The following CREB5 variants were observed in gnomAD, a reference collection of about 807,000 sequenced individuals.
CREB5 encodes cAMP responsive element binding protein 5.
CREB5 carries 19 observed loss-of-function variants against 57.1 expected under a neutral mutation model. The ratio of observed to expected loss-of-function variants is 0.33; its 90% CI spans 0.23 to 0.49. The LOEUF (loss-of-function observed/expected upper bound fraction) is 0.49. Ranked by LOEUF, CREB5 falls within the 20% of genes least tolerant of loss-of-function variation. The pLI is 0.99. For missense variants in CREB5, 579 were observed against 671.6 expected, an observed-to-expected ratio of 0.86 and a Z score of 1.52; for synonymous variants, 238 against 238.3, an observed-to-expected ratio of 1.00 and a Z score of 0.01.
At chr7:28,784,114 A>T (rs1445837904) in intron 7 of CREB5, among the ~76,000 whole-genome samples, 1 of 152,154 alleles carries the variant, frequency 6.6e-6, no homozygotes, top group Non-Finnish European at 1.5e-5. Flanking sequence ...GCATCTTTCT[A>T]CTCTAGTATT....
intron 4 of CREB5, among the ~76,000 whole-genome samples, chr7:28,537,716 T>C (rs1794021161): frequency 6.6e-6 from 1 of 152,160 alleles, no homozygotes; most frequent in Non-Finnish European, 1.5e-5. Flanking sequence ...AAGTAAAAAA[T>C]AAGAACAGGA....
At chr7:28,691,107 CT>C (rs1208437419) in intron 5 of CREB5, among the ~76,000 whole-genome samples, 1 of 152,142 alleles carries the variant, frequency 6.6e-6, no homozygotes, top group Non-Finnish European at 1.5e-5. Flanking sequence ...GAACTGAATT[CT>C]ATTCCTAGCT....
In CREB5 at chr7:28,663,712, T is replaced by C. The variant is rs1284115549; in HGVS notation, c.465-55041T>C. 2.0e-5 allele frequency among the ~76,000 whole-genome samples: 3 copies of C among 152,258 alleles called. 1 individual carries two copies. The East Asian group carries it at 5.8e-4, about 29-fold the overall frequency. ...CTAGTATTTATTTTTCTTCTGGAAA[T>C]TTAATGTTTGTGATCTGTAATAGAT... On this transcript the variant is annotated intron_variant, in intron 5 of 10. Transcript: ENST00000357727.
At chr7:28,467,484 T>G (rs1790639954) in intron 1 of CREB5, among the ~76,000 whole-genome samples, 1 of 152,206 alleles carries the variant, frequency 6.6e-6, no homozygotes, top group Admixed American at 6.5e-5. Flanking sequence ...CTGTTTGCTG[T>G]GCATTCTAGG....
At chr7:28,480,773 T>A (rs1791289989) in intron 1 of CREB5, among the ~76,000 whole-genome samples, 1 of 152,226 alleles carries the variant, frequency 6.6e-6, no homozygotes. Context: ...GACAAGGACC[T>A]AAATGCGGTT....
intron 1 of CREB5, among the ~76,000 whole-genome samples, chr7:28,468,497 C>G (rs868504055): frequency 9.9e-5 from 15 of 152,192 alleles, no homozygotes; most frequent in Non-Finnish European, 1.6e-4. Flanking sequence ...GAGACAGAGA[C>G]AGATCTGCTC....
chr7:28,471,041 C>T (rs1790783771), intron 1 of CREB5, among the ~76,000 whole-genome samples: 1 of 152,088 alleles, frequency 6.6e-6, no homozygotes, highest in Admixed American at 6.6e-5. Context: ...TTTCACTTTG[C>T]TGATTGTTTC....
intron 5 of CREB5, among the ~76,000 whole-genome samples, chr7:28,658,079 T>A (rs1799407365): frequency 6.6e-6 from 1 of 152,188 alleles, no homozygotes; most frequent in Non-Finnish European, 1.5e-5. Flanking sequence ...TTCCACACCT[T>A]TGTCCTCCTT....
intron 7 of CREB5, among the ~76,000 whole-genome samples, chr7:28,747,105 G>A (rs1478790416): frequency 2.0e-5 from 3 of 150,044 alleles, no homozygotes; most frequent in Non-Finnish European, 4.4e-5. Flanking sequence ...TTTTCCTGAG[G>A]CTGTTGTGGA....
intron 1 of CREB5, among the ~76,000 whole-genome samples, chr7:28,319,538 C>T (rs1418176048): frequency 6.6e-6 from 1 of 151,508 alleles, no homozygotes; most frequent in Admixed American, 6.6e-5. Flanking sequence ...TGTGAAAATG[C>T]TATTTCTAGC....
chr7:28,667,929 A>G (rs1368157625), intron 5 of CREB5, among the ~76,000 whole-genome samples: 1 of 152,212 alleles, frequency 6.6e-6, no homozygotes, highest in Non-Finnish European at 1.5e-5. Flanking sequence ...AAAAAGGAGA[A>G]TATTTACATT....
chr7:28,338,586 T>C (rs1785872842), intron 1 of CREB5, among the ~76,000 whole-genome samples: 1 of 152,172 alleles, frequency 6.6e-6, no homozygotes, highest in Non-Finnish European at 1.5e-5. Flanking sequence ...GATTATTAAA[T>C]GCCTTGAGGT....
chr7:28,803,824 T>G (rs1808526507), intron 7 of CREB5, among the ~76,000 whole-genome samples: 1 of 151,490 alleles, frequency 6.6e-6, no homozygotes, highest in Non-Finnish European at 1.5e-5. Flanking sequence ...TTCAGTGCTA[T>G]CACCATATTG....
intron 3 of CREB5, among the ~76,000 whole-genome samples, chr7:28,495,324 G>A (rs780740156): frequency 6.6e-6 from 1 of 152,048 alleles, no homozygotes; most frequent in Non-Finnish European, 1.5e-5. Context: ...GATCACTTGA[G>A]GTCAGGAGTT....
At chr7:28,541,906 G>A (rs570077360) in intron 4 of CREB5, among the ~76,000 whole-genome samples, 14 of 152,260 alleles carry the variant, frequency 9.2e-5, no homozygotes, top group Admixed American at 2.0e-4. Context: ...AAAGGTTAGG[G>A]CTATCCTGAC....
At chr7:28,382,797 C>G (rs1206118016) in intron 1 of CREB5, among the ~76,000 whole-genome samples, 1 of 151,874 alleles carries the variant, frequency 6.6e-6, no homozygotes, top group African/African-American at 2.4e-5. Flanking sequence ...TCATGATACT[C>G]ACCTGGCAGC....
intron 4 of CREB5, among the ~76,000 whole-genome samples, chr7:28,553,549 G>A (rs1157372356): frequency 1.3e-5 from 2 of 152,186 alleles, no homozygotes; most frequent in Middle Eastern, 3.2e-3. Flanking sequence ...TCAGCATTAA[G>A]TGTGACACAA....
intron 5 of CREB5, among the ~76,000 whole-genome samples, chr7:28,669,323 T>C (rs1799944050): frequency 2.0e-5 from 3 of 152,226 alleles, no homozygotes; most frequent in Admixed American, 2.0e-4. Flanking sequence ...CTTTGATTTG[T>C]TAGCAATTGA....
intron 1 of CREB5, among the ~76,000 whole-genome samples, chr7:28,453,117 T>C (rs1457570589): frequency 2.6e-5 from 4 of 152,162 alleles, no homozygotes; most frequent in Admixed American, 2.6e-4. Context: ...GTTCTGAAAA[T>C]TTCTGTATAT....
Sources: gnomAD v4.1 joint callset for allele counts (sites outside exome capture counted in the v4.1 genomes callset) on GRCh38, gnomAD v4.1.1 for gene constraint, MANE v1.5 for transcripts, NCBI Gene and HGNC (gene_info 2026-07-23, HGNC 2026-07-21) for gene names.